Variants in SWAP70 observed in about 807,000 individuals in gnomAD.
SWAP70 encodes the protein switching B cell complex subunit SWAP70.
Under a neutral mutation model 80.2 loss-of-function variants are expected in SWAP70, and 34 were observed. The observed-to-expected ratio is 0.42, with a 90% CI of 0.32 to 0.56. SWAP70 has a LOEUF of 0.56. Among genes scored for constraint, SWAP70 ranks in the 20% least tolerant of loss-of-function variants. The pLI is 0.09. For synonymous variants in SWAP70, 239 were observed against 238.5 expected (o/e 1.00, Z -0.02); for missense variants, 578 against 690.7 (o/e 0.84, Z 1.83).
chr11:9,707,739 A>G (rs528014464), intron 2 of SWAP70, among the ~76,000 whole-genome samples: 28 of 151,712 alleles, frequency 1.8e-4, no homozygotes, highest in Admixed American at 8.5e-4. Context: ...TATTTTTTGT[A>G]GAGACGCGGT....
intron 1 of SWAP70, among the ~76,000 whole-genome samples, chr11:9,676,854 C>T (rs1204558549): frequency 6.6e-6 from 1 of 151,882 alleles, no homozygotes; most frequent in Non-Finnish European, 1.5e-5. Flanking sequence ...GGGGTGTCAC[C>T]ATGTTAGGCA....
intron 2 of SWAP70, among the ~76,000 whole-genome samples, chr11:9,695,929 G>A (rs1480057313): frequency 6.6e-6 from 1 of 151,800 alleles, no homozygotes; most frequent in Non-Finnish European, 1.5e-5. Flanking sequence ...CCCATTATTG[G>A]GACTGCAGAC....
chr11:9,743,841 T>A (rs1457794149), intron 9 of SWAP70, among the ~76,000 whole-genome samples: 1 of 152,188 alleles, frequency 6.6e-6, no homozygotes, highest in Admixed American at 6.5e-5. Flanking sequence ...ATTCTTTTAA[T>A]GGATAGTTCT....
At chr11:9,668,111 A>G (rs979935623) in intron 1 of SWAP70, among the ~76,000 whole-genome samples, 2 of 151,222 alleles carry the variant, frequency 1.3e-5, no homozygotes, top group African/African-American at 4.9e-5. Flanking sequence ...CTCATCTCAA[A>G]CTCCTGACCT....
At chr11:9,691,625 A>G (rs998012366) in intron 1 of SWAP70, among the ~76,000 whole-genome samples, 4 of 152,264 alleles carry the variant, frequency 2.6e-5, no homozygotes, top group African/African-American at 9.6e-5. Context: ...TAGACAACTG[A>G]AGACATAATG....
intron 1 of SWAP70, among the ~76,000 whole-genome samples, chr11:9,675,374 A>C (rs71463732): frequency 0.019 from 620 of 32,702 alleles, 135 homozygotes; most frequent in South Asian, 0.06. Context: ...AGAGAGAGAG[A>C]GAGAGAGAGA....
chr11:9,690,627 G>C (rs955920177), intron 1 of SWAP70, among the ~76,000 whole-genome samples: 2 of 151,824 alleles, frequency 1.3e-5, no homozygotes, highest in Non-Finnish European at 2.9e-5. Flanking sequence ...TGGCTCATGT[G>C]TATAATCCTG....
intron 9 of SWAP70, among the ~76,000 whole-genome samples, chr11:9,747,036 C>T (rs1488053969): frequency 2.0e-5 from 3 of 152,170 alleles, no homozygotes; most frequent in Non-Finnish European, 4.4e-5. Context: ...AGATATGTAT[C>T]CTGTCCTTGG....
chr11:9,710,512 C>T (rs1331292595), intron 2 of SWAP70, among the ~76,000 whole-genome samples: 1 of 152,042 alleles, frequency 6.6e-6, no homozygotes, highest in African/African-American at 2.4e-5. Flanking sequence ...GGTGAAACTT[C>T]GGCCTGCGGA....
At chr11:9,672,077 T>C (rs1462364357) in intron 1 of SWAP70, among the ~76,000 whole-genome samples, 1 of 126,892 alleles carries the variant, frequency 7.9e-6, no homozygotes, top group African/African-American at 3.0e-5. Flanking sequence ...AAATATATAA[T>C]TAAATAATAA....
Position 9,681,947 on chromosome 11 carries a change from A to G in SWAP70, c.100-12199A>G, listed in dbSNP as rs115916789. 6.8e-3 allele frequency among the ~76,000 whole-genome samples: 1,034 copies of G among 152,326 alleles called. 14 individuals are homozygous for G. The highest frequency in any genetic ancestry group is 0.024 in the African/African-American group (987 of 41,578). On this transcript the variant is annotated intron_variant, in intron 1 of 11. Coordinates refer to ENST00000318950, the MANE Select transcript of SWAP70 (RefSeq NM_015055.4). The stretch of plus-strand genomic sequence containing the variant: ...GAGAGAGGAGTTGGGGAGTAAGGAG[A>G]GTTACCTGTACTCCATTACTTGTGT...
intron 9 of SWAP70, 148 bp downstream of exon 9, chr11:9,740,495 T>C (rs746924876): frequency 2.1e-5 from 17 of 809,554 alleles, no homozygotes; most frequent in South Asian, 7.2e-5. Context: ...TTAGAAAGAC[T>C]GTGGAGACTC....
intron 1 of SWAP70, among the ~76,000 whole-genome samples, chr11:9,682,562 T>A (rs1333530953): frequency 6.6e-6 from 1 of 152,256 alleles, no homozygotes; most frequent in Non-Finnish European, 1.5e-5. Context: ...CTTAAGGTTG[T>A]CAGAATAAAA....
intron 3 of SWAP70, among the ~76,000 whole-genome samples, chr11:9,719,414 G>T (rs1470308208): frequency 6.6e-6 from 1 of 152,050 alleles, no homozygotes; most frequent in Non-Finnish European, 1.5e-5. Context: ...CAGGTGTGGT[G>T]GTGCATGCCT....
At position 9,694,315 on chromosome 11, in the gene SWAP70, G is replaced by A. The variant is rs766509466; in HGVS notation, c.240+29G>A. On this transcript the variant is annotated intron_variant, in intron 2 of 11. Transcript: ENST00000318950. ...TGATTCTAACCTTTTTTTGGGTGTAGCATTGTTTGGTTTGCATGTTTCAAG... is the reference window on the plus strand; with the variant it reads ...TGATTCTAACCTTTTTTTGGGTGTAACATTGTTTGGTTTGCATGTTTCAAG... 51 of 1,576,206 alleles carry A rather than the reference G, an allele frequency of 3.2e-5. No individual in the cohort carries two copies. In the South Asian group the frequency reaches 5.4e-4, roughly 17 times the overall value.
chr11:9,714,266 C>A (rs774253821), intron 3 of SWAP70, among the ~76,000 whole-genome samples: 1 of 135,730 alleles, frequency 7.4e-6, no homozygotes, highest in South Asian at 2.2e-4. Flanking sequence ...CAGCTGTAGT[C>A]CCCACACTTT....
chr11:9,683,459 T>C (rs1590016056), intron 1 of SWAP70, among the ~76,000 whole-genome samples: 1 of 151,868 alleles, frequency 6.6e-6, no homozygotes, highest in African/African-American at 2.4e-5. Context: ...GAAAATGGTA[T>C]GTCAGGGACC....
chr11:9,669,790 C>A (rs1171351847), intron 1 of SWAP70, among the ~76,000 whole-genome samples: 1 of 152,024 alleles, frequency 6.6e-6, no homozygotes, highest in Non-Finnish European at 1.5e-5. Flanking sequence ...CCAGGGGCCC[C>A]CCAGGTTTTC....
In SWAP70 at chr11:9,704,381, T is replaced by TA. The variant is rs1318672105; in HGVS notation, c.241-9083dup. On this transcript the variant is annotated intron_variant, in intron 2 of 11. Coordinates refer to ENST00000318950, the MANE Select transcript of SWAP70 (RefSeq NM_015055.4). ...TGCATCTTCCCTCTTTTTTTTTTTTTAATTTTTATTATTTTATTTTATTTT... is the reference window on the plus strand; with the variant it reads ...TGCATCTTCCCTCTTTTTTTTTTTTTAAATTTTTATTATTTTATTTTATTTT... Among the ~76,000 whole-genome samples, 685 of 146,340 alleles carry TA rather than the reference T, an allele frequency of 4.7e-3. 6 individuals are homozygous for TA. Among genetic ancestry groups the TA allele is most frequent in the African/African-American group, 0.016 (637 of 40,848 alleles).
Sources: gnomAD v4.1 joint callset for allele counts (sites outside exome capture counted in the v4.1 genomes callset) on GRCh38, gnomAD v4.1.1 for gene constraint, MANE v1.5 for transcripts, NCBI Gene and HGNC (gene_info 2026-07-23, HGNC 2026-07-21) for gene names.